Variants in POM121 observed in about 807,000 individuals in gnomAD.
The protein encoded by POM121 is POM121 transmembrane nucleoporin, also known as nuclear envelope pore membrane protein POM 121.
In POM121, 32 loss-of-function variants were observed where a neutral mutation model predicts 81.3. That is an observed-to-expected ratio of 0.39 (90% confidence interval 0.30 to 0.53). The LOEUF (loss-of-function observed/expected upper bound fraction) is 0.53. Ranked by LOEUF, POM121 falls within the 20% of genes least tolerant of loss-of-function variation. POM121 has a pLI of 0.66. For synonymous variants in POM121, 514 were observed against 694.2 expected (o/e 0.74, Z 4.08); for missense variants, 1,138 against 1,614.6 (o/e 0.70, Z 5.06).
At chr7:72,883,584 A>G (rs1319740615) in intron 1 of POM121, among the ~76,000 whole-genome samples, 2 of 151,676 alleles carry the variant, frequency 1.3e-5, no homozygotes, top group African/African-American at 4.8e-5. Flanking sequence ...TTTTGAAGAA[A>G]CTGGGTTGGT....
rs1554497507 is a variant in POM121 at position 72,926,427 on chromosome 7, A to G, written c.810A>G (p.Pro270=). ...SPRNSRMVCS[P]VTVRIAPPDR... ...GCAACTCCAGGATGGTGTGTAGCCC[A>G]GTGACTGTGAGGATCGCCCCTCCTG... The change falls in exon 2 of 13, where the codon CCA becomes CCG. Residue 270 remains proline (P), a synonymous_variant. Transcript: ENST00000434423. The G allele has an allele frequency of 1.2e-6, 2 of 1,613,956 alleles. No homozygotes were observed. Among genetic ancestry groups the G allele is most frequent in the Non-Finnish European group, 1.7e-6 (2 of 1,179,842 alleles).
At chr7:72,941,708 T>C in intron 10 of POM121, 129 bp from the exon 11 acceptor site, 1 of 1,088,144 alleles carries the variant, frequency 9.2e-7, no homozygotes, top group Non-Finnish European at 1.3e-6. Flanking sequence ...TAGTGTAGAC[T>C]TAGCTGAGTT....
intron 3 of POM121, among the ~76,000 whole-genome samples, chr7:72,891,805 C>T (rs1791323268): frequency 6.6e-6 from 1 of 152,192 alleles, no homozygotes; most frequent in African/African-American, 2.4e-5. Context: ...TTCTTTCCTT[C>T]CTTGCTTTAA....
In POM121 at chr7:72,925,303, G is replaced by A. The variant is rs1483236832; in HGVS notation, c.182G>A (p.Gly61Glu). The A allele has an allele frequency of 6.5e-7, 1 of 1,534,522 alleles. No individual in the cohort carries two copies. Among genetic ancestry groups the A allele is most frequent in the Non-Finnish European group, 8.7e-7 (1 of 1,146,462 alleles). ...AAAALAWLTVGATAAWWGLSR... is the reference protein window; with the variant it reads ...AAAALAWLTVEATAAWWGLSR... ...GCTGCACTGGCCTGGCTGACCGTGG[G>A]GGCTACCGCGGCCTGGTGGGGACTG... The change falls in exon 1 of 13, where the codon GGG (glycine) becomes GAG (glutamate). Residue 61 changes from glycine to glutamate, a missense_variant. By Grantham distance (98) the Gly-to-Glu change is moderately conservative. Transcript: ENST00000434423.
At chr7:72,930,436 TG>T (rs1795902827) in intron 5 of POM121, among the ~76,000 whole-genome samples, 1 of 152,272 alleles carries the variant, frequency 6.6e-6, no homozygotes, top group East Asian at 1.9e-4. Flanking sequence ...GCCAGCGGAA[TG>T]GAGTAGAAAG....
chr7:72,924,755 A>G (rs552382414), upstream of POM121: 9 of 227,022 alleles, frequency 4.0e-5, no homozygotes, highest in African/African-American at 2.0e-4. Flanking sequence ...GGGACTCACA[A>G]CCGCTAGTAG....
chr7:72,944,551 A>G (rs879945111), intron 11 of POM121, among the ~76,000 whole-genome samples: 250 of 151,958 alleles, frequency 1.6e-3, no homozygotes, highest in African/African-American at 4.1e-3. Flanking sequence ...TTAGCATGGC[A>G]TGTGTTTCCC....
chr7:72,925,659 C>T lies in POM121; in HGVS notation c.538C>T (p.Pro180Ser). 8.2e-7 allele frequency: 1 copy of T among 1,218,198 alleles called. No homozygotes were observed. Among genetic ancestry groups the T allele is most frequent in the Non-Finnish European group, 1.0e-6 (1 of 982,744 alleles). 75.5% of individuals were successfully genotyped at this position (1,218,198 alleles called of 1,614,324 possible). A position where few individuals can be genotyped will look rare whatever the true frequency, so the allele number is the denominator to read the frequency against. ...PAPRSPPPRS[P>S]PPRSPPPSPP... ...GCCGCGCTCCCCACCGCCGCGCTCC[C>T]CACCGCCGCGCTCCCCCCCGCCCTC... Residue 180 changes from proline (P) to serine (S), a missense_variant, in exon 1 of 13, where the codon CCA becomes TCA. By Grantham distance (74) the Pro-to-Ser change is moderately conservative. Around this residue, in one of 7 missense-constraint regions of POM121, gnomAD observed 646 missense variants for 633.5 expected, o/e 1.02. Coordinates refer to ENST00000434423, the MANE Select transcript of POM121 (RefSeq NM_001387691.1).
chr7:72,938,995 C>T (rs181721846), intron 6 of POM121, among the ~76,000 whole-genome samples: 19 of 152,314 alleles, frequency 1.2e-4, no homozygotes, highest in African/African-American at 4.1e-4. Context: ...GTTCTTGACT[C>T]GAGCTGACCC....
intron 1 of POM121, among the ~76,000 whole-genome samples, chr7:72,883,619 C>A (rs1554489623): frequency 6.6e-6 from 1 of 151,524 alleles, no homozygotes; most frequent in South Asian, 2.1e-4. Flanking sequence ...ATTGTGTTAC[C>A]CTTGTTTCAC....
chr7:72,918,142 C>G (rs1177680200), intron 4 of POM121, among the ~76,000 whole-genome samples: 2 of 152,166 alleles, frequency 1.3e-5, no homozygotes, highest in Non-Finnish European at 2.9e-5. Context: ...AGTACAGCAT[C>G]ACGGAGACAA....
intron 3 of POM121, among the ~76,000 whole-genome samples, chr7:72,903,620 T>G (rs1247643311): frequency 6.6e-6 from 1 of 152,168 alleles, no homozygotes; most frequent in East Asian, 1.9e-4. Context: ...TCTCTGCCAT[T>G]AGCTTGTGTT....
chr7:72,907,459 A>G (rs1458690524), intron 3 of POM121, among the ~76,000 whole-genome samples: 3 of 152,068 alleles, frequency 2.0e-5, no homozygotes, highest in Non-Finnish European at 4.4e-5. Flanking sequence ...TCTTTTTTAA[A>G]ATTTAATTTG....
intron 12 of POM121, 52 bp from the exon 13 acceptor site, chr7:72,946,085 T>G (rs380868): frequency 6.3e-7 from 1 of 1,586,434 alleles, no homozygotes; most frequent in Non-Finnish European, 8.6e-7. Context: ...GCACCCAGAG[T>G]CAGAGTCTCA....
intron 3 of POM121, among the ~76,000 whole-genome samples, chr7:72,907,662 C>T (rs1173231522): frequency 4.6e-5 from 7 of 152,166 alleles, no homozygotes; most frequent in South Asian, 4.2e-4. Context: ...AGGCATGCAC[C>T]GCCACGCCTG....
intron 1 of POM121, among the ~76,000 whole-genome samples, chr7:72,880,615 G>A (rs567514934): frequency 2.3e-4 from 35 of 152,176 alleles, no homozygotes; most frequent in Non-Finnish European, 4.1e-4. Flanking sequence ...CGGGCGGGAT[G>A]CAGTGGCTCA....
chr7:72,944,687 G>A (rs1378658549), intron 11 of POM121, among the ~76,000 whole-genome samples: 4 of 152,270 alleles, frequency 2.6e-5, no homozygotes, highest in African/African-American at 7.2e-5. Context: ...GGGTGCAGGA[G>A]TGGAGAGCGG....
chr7:72,936,427 G>A (rs1159714965), intron 5 of POM121, among the ~76,000 whole-genome samples: 1 of 151,590 alleles, frequency 6.6e-6, no homozygotes, highest in African/African-American at 2.4e-5. Flanking sequence ...ACAGGCACCT[G>A]CCACCACACC....
intron 3 of POM121, among the ~76,000 whole-genome samples, chr7:72,893,094 A>G (rs1357318210): frequency 4.6e-5 from 7 of 151,920 alleles, no homozygotes; most frequent in Non-Finnish European, 2.9e-5. Context: ...AGTAGCTGAG[A>G]TTACAGGCGT....
Sources: allele counts gnomAD v4.1 joint callset (sites outside exome capture counted in the v4.1 genomes callset), GRCh38; gene constraint gnomAD v4.1.1; regional missense constraint gnomAD v4.1.1; transcripts MANE v1.5; gene names NCBI Gene and HGNC (gene_info 2026-07-23, HGNC 2026-07-21).